The following MLLT3 variants were observed in gnomAD, a reference collection of about 807,000 sequenced individuals.
MLLT3 encodes MLLT3 super elongation complex subunit.
A neutral mutation model predicts 53.2 loss-of-function variants in MLLT3; 4 were observed. That is an observed-to-expected ratio of 0.08 (90% CI 0.04 to 0.17). The LOEUF is 0.17. MLLT3 is among the 10% of genes least tolerant of loss of function. The pLI, the probability that MLLT3 is intolerant of heterozygous loss-of-function variation, is 1.00. For missense variants in MLLT3, 569 were observed against 684.0 expected, an observed-to-expected ratio of 0.83 and a Z score of 1.87; for synonymous variants, 283 against 230.6, an observed-to-expected ratio of 1.23 and a Z score of -2.06.
In MLLT3 at chr9:20,566,014, TTA is replaced by T. The variant is rs1207518330; in HGVS notation, c.193+54638_193+54639del. ...TATATATTTATTTATATATATATTT[TTA>T]TATATATTTATTTATATTTATTTAT... is the stretch of plus-strand genomic sequence containing the variant. On this transcript the variant is annotated intron_variant, in intron 2 of 10. Coordinates refer to ENST00000380338, the MANE Select transcript of MLLT3 (RefSeq NM_004529.4). Among the ~76,000 whole-genome samples the T allele has an allele frequency of 8.0e-3, 1,030 of 128,148 alleles. 2 individuals are homozygous for T. The highest frequency in any genetic ancestry group is 0.013 in the Non-Finnish European group (820 of 62,134). The allele number at this position is 128,148 out of a possible 152,430, so 84.1% of individuals were successfully genotyped here. A position where few individuals can be genotyped will look rare whatever the true frequency, so the allele number is the denominator to read the frequency against.
intron 2 of MLLT3, among the ~76,000 whole-genome samples, chr9:20,599,176 C>T (rs538247201): frequency 5.2e-4 from 79 of 152,026 alleles, no homozygotes; most frequent in African/African-American, 1.5e-3. Context: ...TGGTGGCACG[C>T]GCCTGCAGTC....
chr9:20,427,001 G>A (rs1823154806), intron 4 of MLLT3, among the ~76,000 whole-genome samples: 1 of 152,010 alleles, frequency 6.6e-6, no homozygotes, highest in South Asian at 2.1e-4. Context: ...CCAAGAAGAA[G>A]CCTTTACAAA....
Position 20,363,615 on chromosome 9 carries a change from G to A in MLLT3, c.1202-10C>T, listed in dbSNP as rs943630414. 2 of 1,612,236 alleles carry A rather than the reference G, an allele frequency of 1.2e-6. No individual in the cohort carries two copies. Among genetic ancestry groups the A allele is most frequent in the Non-Finnish European group, 1.7e-6 (2 of 1,179,610 alleles). On this transcript the variant is annotated splice_polypyrimidine_tract_variant and intron_variant, in intron 6 of 10. Transcript: ENST00000380338. ...ATAGACCTCAAAGGACCTGAGTAAT[G>A]ACAATGAACCACAGGCAATCAAACA...
Position 20,344,393 on chromosome 9 carries a change from T to A in MLLT3, c.*2050A>T, listed in dbSNP as rs940042357. On this transcript the variant is annotated 3_prime_UTR_variant, in exon 11 of 11. Coordinates refer to ENST00000380338, the MANE Select transcript of MLLT3 (RefSeq NM_004529.4). ...AGCAGTTAGAAATTTTAAAATATTTTAAAAATTTGCAACATTTCCATATAA... is the reference window on the plus strand; with the variant it reads ...AGCAGTTAGAAATTTTAAAATATTTAAAAAATTTGCAACATTTCCATATAA... 1 of 208,272 alleles carries A rather than the reference T, an allele frequency of 4.8e-6. No individual in the cohort carries two copies. The highest frequency in any genetic ancestry group is 2.3e-5 in the African/African-American group (1 of 44,002). 12.9% of individuals were successfully genotyped at this position (208,272 alleles called of 1,614,324 possible).
At chr9:20,484,987 TTTTA>T (rs943806690) in intron 2 of MLLT3, among the ~76,000 whole-genome samples, 6 of 152,072 alleles carry the variant, frequency 3.9e-5, no homozygotes, top group Non-Finnish European at 5.9e-5. Flanking sequence ...TTTTTATTTT[TTTTA>T]TTTATTTTTT....
intron 2 of MLLT3, among the ~76,000 whole-genome samples, chr9:20,610,741 T>C (rs964097929): frequency 6.6e-6 from 1 of 152,112 alleles, no homozygotes; most frequent in East Asian, 1.9e-4. Flanking sequence ...AAGGGAGTGT[T>C]GGTCTAATGA....
chr9:20,400,020 G>A (rs769496720), intron 5 of MLLT3, among the ~76,000 whole-genome samples: 7 of 150,634 alleles, frequency 4.6e-5, no homozygotes, highest in Non-Finnish European at 8.8e-5. Context: ...ATACAGCAAT[G>A]AGCATCAATG....
At chr9:20,588,750 A>G (rs1820046377) in intron 2 of MLLT3, among the ~76,000 whole-genome samples, 1 of 152,162 alleles carries the variant, frequency 6.6e-6, no homozygotes, top group Admixed American at 6.6e-5. Context: ...GGGCTGAGAC[A>G]ATGGGGTTTT....
chr9:20,519,298 CTT>C (rs1463319686), intron 2 of MLLT3, among the ~76,000 whole-genome samples: 6 of 152,110 alleles, frequency 3.9e-5, no homozygotes, highest in African/African-American at 1.4e-4. Context: ...CCCTTAAAGA[CTT>C]TTAACAATAG....
At chr9:20,501,757 C>CAAAAAAAA (rs936828819) in intron 2 of MLLT3, among the ~76,000 whole-genome samples, 2 of 18,596 alleles carry the variant, frequency 1.1e-4, no homozygotes, top group African/African-American at 3.9e-4. Flanking sequence ...GACTCCGTCT[C>CAAAAAAAA]AAAAAAAAAA....
intron 4 of MLLT3, among the ~76,000 whole-genome samples, chr9:20,415,890 T>C (rs2118781978): frequency 6.6e-6 from 1 of 152,158 alleles, no homozygotes; most frequent in South Asian, 2.1e-4. Context: ...AAATTTTTTT[T>C]TGTCTCATTT....
At chr9:20,447,464 T>C (rs966425407) in intron 4 of MLLT3, among the ~76,000 whole-genome samples, 4 of 152,188 alleles carry the variant, frequency 2.6e-5, no homozygotes, top group Non-Finnish European at 4.4e-5. Context: ...TTTTGACCAA[T>C]CAATAGTGTT....
rs188252982 is a variant in MLLT3 at position 20,512,858 on chromosome 9, T to C, written c.194-56072A>G. 2.2e-3 allele frequency among the ~76,000 whole-genome samples: 330 copies of C among 152,348 alleles called. 1 individual carries two copies. Among genetic ancestry groups the C allele is most frequent in the Middle Eastern group, 6.8e-3 (2 of 294 alleles). On this transcript the variant is annotated intron_variant, in intron 2 of 10. Transcript: ENST00000380338. ...CAGTTTGCAGAGCCTGTCTTTTGGT[T>C]AGAACTCCTGTTTATGGCATTGCCC...
At chr9:20,431,249 T>C (rs1780343234) in intron 4 of MLLT3, among the ~76,000 whole-genome samples, 1 of 152,170 alleles carries the variant, frequency 6.6e-6, no homozygotes, top group African/African-American at 2.4e-5. Context: ...GCAATATTAG[T>C]ATTACCTAGA....
intron 5 of MLLT3, among the ~76,000 whole-genome samples, chr9:20,395,651 G>A (rs1822303708): frequency 1.3e-5 from 2 of 152,104 alleles, no homozygotes; most frequent in Admixed American, 6.6e-5. Flanking sequence ...TAGATATTTG[G>A]CATTCAGGAA....
At chr9:20,387,811 G>A (rs961531144) in intron 5 of MLLT3, among the ~76,000 whole-genome samples, 8 of 152,288 alleles carry the variant, frequency 5.3e-5, no homozygotes, top group South Asian at 2.1e-4. Flanking sequence ...GCCACCACAG[G>A]AAGGCTATCT....
rs1274469852 is a variant in MLLT3 at position 20,365,726 on chromosome 9, C to T, written c.1144G>A (p.Ala382Thr). The T allele has an allele frequency of 6.2e-7, 1 of 1,614,104 alleles. No homozygotes were observed. The highest frequency in any genetic ancestry group is 8.5e-7 in the Non-Finnish European group (1 of 1,180,006). ...GAGCTGGAGCTGGAGCTGGAGCTGG[C>T]AGGACTGGGTTGTTCAGACTTTAAA... Reference protein sequence around the residue: ...SKSDSEQPSPASSSSSSSSSF... With the variant: ...SKSDSEQPSPTSSSSSSSSSF... The change falls in exon 6 of 11, where the codon GCC becomes ACC. Residue 382 changes from alanine (A) to threonine (T), a missense_variant. Transcript: ENST00000380338.
At chr9:20,611,998 G>T (rs183526845) in intron 2 of MLLT3, among the ~76,000 whole-genome samples, 10 of 152,212 alleles carry the variant, frequency 6.6e-5, no homozygotes, top group Non-Finnish European at 1.2e-4. Flanking sequence ...GATTTTGTCT[G>T]AAAGTAGCTA....
At chr9:20,571,721 C>A (rs898026726) in intron 2 of MLLT3, among the ~76,000 whole-genome samples, 4 of 152,080 alleles carry the variant, frequency 2.6e-5, no homozygotes, top group African/African-American at 7.2e-5. Flanking sequence ...GGCAAAGGAC[C>A]TGAAAAGACA....
Sources: gnomAD v4.1 joint callset for allele counts (sites outside exome capture counted in the v4.1 genomes callset) on GRCh38, gnomAD v4.1.1 for gene constraint, MANE v1.5 for transcripts, NCBI Gene and HGNC (gene_info 2026-07-23, HGNC 2026-07-21) for gene names.